CHCHD6: variants seen among roughly 807,000 people sequenced by gnomAD.
CHCHD6 encodes coiled-coil-helix-coiled-coil-helix domain containing 6, also known as MICOS complex subunit MIC25.
A neutral mutation model predicts 32.3 loss-of-function variants in CHCHD6; 28 were observed. The ratio of observed to expected loss-of-function variants is 0.87; its 90% confidence interval spans 0.64 to 1.19. The LOEUF (loss-of-function observed/expected upper bound fraction) is 1.19, where lower values mean the gene tolerates loss of function less well. CHCHD6 is among the 50% of genes most tolerant of loss of function. The pLI is 0.00. For synonymous variants in CHCHD6, 122 were observed against 117.5 expected (o/e 1.04, Z -0.25); for missense variants, 333 against 307.0 (o/e 1.08, Z -0.63).
intron 5 of CHCHD6, among the ~76,000 whole-genome samples, chr3:126,875,189 T>G (rs1054208716): frequency 1.6e-4 from 24 of 152,200 alleles, no homozygotes; most frequent in Admixed American, 1.6e-3. Context: ...AGGGTGATTC[T>G]TCCTCATCAC....
At position 126,722,334 on chromosome 3, in the gene CHCHD6, T is replaced by A. The variant is rs574807043; in HGVS notation, c.88-4744T>A. 4.1e-4 allele frequency among the ~76,000 whole-genome samples: 63 copies of A among 152,162 alleles called. 1 individual carries two copies. Among genetic ancestry groups the A allele is most frequent in the Middle Eastern group, 6.8e-3 (2 of 294 alleles). ...CCACACCTGGCTAATTAAAAAAAAA[T>A]TTTTGTTTTTTAGAGAAAGGGCCTC... On this transcript the variant is annotated intron_variant, in intron 1 of 7. Transcript: ENST00000290913.
chr3:126,919,310 C>CTTTTTTTTTTTTTT (rs869129860), intron 6 of CHCHD6, among the ~76,000 whole-genome samples: 1 of 29,234 alleles, frequency 3.4e-5, no homozygotes. Context: ...TATTTCTTTT[C>CTTTTTTTTTTTTTT]TTTTTTCTTT....
chr3:126,928,549 C>T (rs2078357241), intron 6 of CHCHD6, among the ~76,000 whole-genome samples: 1 of 152,182 alleles, frequency 6.6e-6, no homozygotes. Context: ...CAGCTCCAAG[C>T]TAGAGTAAAG....
chr3:126,849,420 C>T (rs1941396201), intron 4 of CHCHD6, among the ~76,000 whole-genome samples: 1 of 152,210 alleles, frequency 6.6e-6, no homozygotes, highest in Non-Finnish European at 1.5e-5. Flanking sequence ...TATATTTTAT[C>T]TGCCAGTGCT....
chr3:126,906,903 A>G (rs1221623736), intron 5 of CHCHD6, among the ~76,000 whole-genome samples: 1 of 152,176 alleles, frequency 6.6e-6, no homozygotes, highest in South Asian at 2.1e-4. Context: ...GTCATCATCC[A>G]TGTCACAGCA....
chr3:126,936,013 G>A (rs916423266), intron 6 of CHCHD6, among the ~76,000 whole-genome samples: 12 of 152,198 alleles, frequency 7.9e-5, no homozygotes, highest in Non-Finnish European at 1.3e-4. Flanking sequence ...GACCTTGGCC[G>A]CTCCTATGGA....
intron 4 of CHCHD6, among the ~76,000 whole-genome samples, chr3:126,771,248 A>G (rs1051860435): frequency 5.5e-5 from 8 of 144,526 alleles, no homozygotes; most frequent in Middle Eastern, 3.6e-3. Flanking sequence ...CTCTGTCGCC[A>G]GATTGGAGTG....
At chr3:126,738,861 G>T (rs1936170539) in intron 4 of CHCHD6, among the ~76,000 whole-genome samples, 1 of 152,240 alleles carries the variant, frequency 6.6e-6, no homozygotes, top group Non-Finnish European at 1.5e-5. Context: ...CTAAAAAGAT[G>T]TTTGTCTCCT....
intron 1 of CHCHD6, among the ~76,000 whole-genome samples, chr3:126,714,000 C>G (rs1462421346): frequency 7.3e-6 from 1 of 136,814 alleles, no homozygotes; most frequent in Non-Finnish European, 1.5e-5. Context: ...TGGCATGAAC[C>G]TGGGAGGCGG....
intron 5 of CHCHD6, among the ~76,000 whole-genome samples, chr3:126,864,256 T>C (rs867890453): frequency 6.0e-3 from 379 of 63,170 alleles, no homozygotes; most frequent in Middle Eastern, 0.052. Context: ...ACCATCACCA[T>C]CTCCCCCTCC....
intron 1 of CHCHD6, 88 bp from the exon 2 acceptor site, chr3:126,726,990 A>G: frequency 2.2e-6 from 2 of 890,594 alleles, no homozygotes; most frequent in South Asian, 3.0e-5. Flanking sequence ...CGCATTCAGT[A>G]AATCTGGGGC....
chr3:126,943,823 C>T (rs946589828), intron 6 of CHCHD6, among the ~76,000 whole-genome samples: 13 of 152,116 alleles, frequency 8.5e-5, no homozygotes, highest in African/African-American at 3.1e-4. Flanking sequence ...AGATGGGGGG[C>T]CCAGGTCTTC....
chr3:126,757,090 G>T (rs1259232670), intron 4 of CHCHD6, among the ~76,000 whole-genome samples: 2 of 152,196 alleles, frequency 1.3e-5, no homozygotes, highest in Non-Finnish European at 2.9e-5. Context: ...CGCAGGTTGT[G>T]TAGGTTGAGC....
chr3:126,822,487 G>A (rs535781887), intron 4 of CHCHD6, among the ~76,000 whole-genome samples: 7 of 152,146 alleles, frequency 4.6e-5, no homozygotes, highest in Non-Finnish European at 7.4e-5. Context: ...AGTAAGGCTT[G>A]AAATCAAGAG....
intron 5 of CHCHD6, among the ~76,000 whole-genome samples, chr3:126,899,165 T>C (rs749910802): frequency 6.6e-6 from 1 of 152,246 alleles, no homozygotes; most frequent in Non-Finnish European, 1.5e-5. Context: ...AACACTGTTC[T>C]GGGTCAGGTG....
intron 5 of CHCHD6, among the ~76,000 whole-genome samples, chr3:126,860,618 A>C (rs768240012): frequency 6.6e-6 from 1 of 152,228 alleles, no homozygotes; most frequent in South Asian, 2.1e-4. Flanking sequence ...AGTTTTTCAC[A>C]AGGTTAGGCT....
At chr3:126,867,990 G>A (rs1253668434) in intron 5 of CHCHD6, among the ~76,000 whole-genome samples, 2 of 152,216 alleles carry the variant, frequency 1.3e-5, no homozygotes, top group African/African-American at 4.8e-5. Flanking sequence ...TCTGGGCCCT[G>A]CTTGTGGCTC....
intron 5 of CHCHD6, among the ~76,000 whole-genome samples, chr3:126,864,076 A>G (rs1942126506): frequency 2.1e-5 from 3 of 141,582 alleles, no homozygotes; most frequent in African/African-American, 5.3e-5. Flanking sequence ...TTCCCCCACA[A>G]TCACCACCTC....
chr3:126,812,990 T>A (rs547189888), intron 4 of CHCHD6, among the ~76,000 whole-genome samples: 1 of 152,286 alleles, frequency 6.6e-6, no homozygotes, highest in East Asian at 1.9e-4. Context: ...TAAACCTGAT[T>A]AAGTTTGTAA....
Sources: gnomAD v4.1 joint callset for allele counts (sites outside exome capture counted in the v4.1 genomes callset) on GRCh38, gnomAD v4.1.1 for gene constraint, MANE v1.5 for transcripts, NCBI Gene and HGNC (gene_info 2026-07-23, HGNC 2026-07-21) for gene names.